The following CDH9 variants were observed in gnomAD, a reference collection of about 807,000 sequenced individuals.
CDH9 encodes the protein cadherin 9, also known as cadherin-9.
CDH9 carries 28 observed loss-of-function variants against 70.9 expected under a neutral mutation model. That is an observed-to-expected ratio of 0.40 (90% CI 0.29 to 0.54). CDH9 has a LOEUF of 0.54. CDH9 is among the 20% of genes least tolerant of loss of function. The pLI is 0.59. For missense variants in CDH9, 874 were observed against 984.4 expected, an observed-to-expected ratio of 0.89 and a Z score of 1.50; for synonymous variants, 409 against 343.1, an observed-to-expected ratio of 1.19 and a Z score of -2.12.
At chr5:26,917,039 G>A (rs183530654) in intron 2 of CDH9, among the ~76,000 whole-genome samples, 57 of 151,880 alleles carry the variant, frequency 3.8e-4, no homozygotes, top group Admixed American at 3.3e-3. Context: ...ACAACAAACA[G>A]ACCATGTAAT....
chr5:26,920,789 T>G (rs773794114), intron 2 of CDH9, among the ~76,000 whole-genome samples: 4 of 152,220 alleles, frequency 2.6e-5, no homozygotes, highest in Non-Finnish European at 5.9e-5. Context: ...CATTAATTAC[T>G]GAGCCTGGGA....
chr5:26,968,907 T>A (rs907401181), intron 2 of CDH9, among the ~76,000 whole-genome samples: 4 of 152,206 alleles, frequency 2.6e-5, no homozygotes, highest in African/African-American at 9.7e-5. Context: ...ATCTGTCCAG[T>A]TGATCCCATC....
intron 1 of CDH9, among the ~76,000 whole-genome samples, chr5:26,998,009 T>G (rs1188076439): frequency 6.6e-6 from 1 of 152,170 alleles, no homozygotes; most frequent in Non-Finnish European, 1.5e-5. Flanking sequence ...GTTAATGTTT[T>G]TAAACACTAG....
chr5:26,900,715 CT>C (rs1379412580), intron 7 of CDH9, among the ~76,000 whole-genome samples: 1 of 152,058 alleles, frequency 6.6e-6, no homozygotes, highest in Admixed American at 6.6e-5. Flanking sequence ...CAATCAATTA[CT>C]TCTAAAATGA....
chr5:27,034,411 T>C (rs1343464169), intron 1 of CDH9, among the ~76,000 whole-genome samples: 2 of 151,664 alleles, frequency 1.3e-5, no homozygotes, highest in Non-Finnish European at 2.9e-5. Flanking sequence ...AAATAGAAGA[T>C]ATACAAGAAT....
intron 3 of CDH9, among the ~76,000 whole-genome samples, chr5:26,909,206 G>T (rs958568598): frequency 6.6e-6 from 1 of 151,942 alleles, no homozygotes; most frequent in African/African-American, 2.4e-5. Flanking sequence ...GGATGGTCTC[G>T]ATCTCCTGAC....
chr5:26,916,041 G>T, intron 2 of CDH9, 117 bp from the exon 3 acceptor site: 1 of 634,868 alleles, frequency 1.6e-6, no homozygotes, highest in Non-Finnish European at 2.6e-6. Flanking sequence ...TTATCTTAAT[G>T]GTTATCTTGA....
intron 3 of CDH9, among the ~76,000 whole-genome samples, chr5:26,913,280 A>G (rs1016007426): frequency 6.6e-6 from 1 of 152,154 alleles, no homozygotes; most frequent in Admixed American, 6.6e-5. Flanking sequence ...TGCATATTGT[A>G]TATAATATAT....
At chr5:26,979,858 G>A (rs1742369613) in intron 2 of CDH9, among the ~76,000 whole-genome samples, 1 of 151,630 alleles carries the variant, frequency 6.6e-6, no homozygotes, top group Non-Finnish European at 1.5e-5. Flanking sequence ...CATTAGATAT[G>A]TACCTAATAA....
At chr5:26,916,933 A>T (rs1741159552) in intron 2 of CDH9, among the ~76,000 whole-genome samples, 1 of 151,988 alleles carries the variant, frequency 6.6e-6, no homozygotes, top group Admixed American at 6.6e-5. Context: ...TTAGGAAAAA[A>T]TAGGATTATG....
chr5:26,902,975 AT>A (rs928414294), intron 6 of CDH9: 167 of 355,826 alleles, frequency 4.7e-4, no homozygotes, highest in African/African-American at 3.1e-3. Context: ...AATATGCTTC[AT>A]TTTTTTGGTG....
intron 2 of CDH9, among the ~76,000 whole-genome samples, chr5:26,970,968 G>A (rs1742208849): frequency 6.6e-6 from 1 of 152,058 alleles, no homozygotes; most frequent in South Asian, 2.1e-4. Flanking sequence ...GATCCATAGA[G>A]GGGAAAAGAA....
chr5:26,964,014 A>T (rs934887503), intron 2 of CDH9, among the ~76,000 whole-genome samples: 1 of 152,146 alleles, frequency 6.6e-6, no homozygotes, highest in Non-Finnish European at 1.5e-5. Context: ...CCTTTTCCAT[A>T]AAATAAAAAA....
At chr5:26,937,917 T>G (rs1741588905) in intron 2 of CDH9, among the ~76,000 whole-genome samples, 1 of 152,042 alleles carries the variant, frequency 6.6e-6, no homozygotes, top group African/African-American at 2.4e-5. Context: ...CATTATCCAT[T>G]TGGGAAAACC....
rs980374134 is a variant in CDH9, at chr5:26,938,491, A to T, written c.229-22567T>A. 3.9e-5 allele frequency among the ~76,000 whole-genome samples: 6 copies of T among 152,158 alleles called. No individual in the cohort carries two copies. The East Asian group carries it at 1.2e-3, about 29-fold the overall frequency. On this transcript the variant is annotated intron_variant, in intron 2 of 11. Coordinates refer to ENST00000231021, the MANE Select transcript of CDH9 (RefSeq NM_016279.4). ...TATAATAGAAAAGCTATAGTTAAGTAAATTTTTAAAAATCGGGTGTGCAAA... is the reference window on the plus strand; with the variant it reads ...TATAATAGAAAAGCTATAGTTAAGTTAATTTTTAAAAATCGGGTGTGCAAA...
At chr5:26,890,665 C>T in intron 7 of CDH9, 101 bp from the exon 8 acceptor site, 1 of 785,594 alleles carries the variant, frequency 1.3e-6, no homozygotes, top group Non-Finnish European at 2.1e-6. Flanking sequence ...CTGACAAAGA[C>T]ATGAAATGCA....
chr5:26,902,327 C>A (rs1363908479), intron 7 of CDH9, 149 bp downstream of exon 7: 3 of 603,368 alleles, frequency 5.0e-6, no homozygotes, highest in African/African-American at 1.9e-5. Context: ...CATTGTGCAA[C>A]CATTTTTTCA....
chr5:26,999,037 G>A (rs982357256), intron 1 of CDH9, among the ~76,000 whole-genome samples: 1 of 152,054 alleles, frequency 6.6e-6, no homozygotes, highest in South Asian at 2.1e-4. Context: ...AAGAGGCCAG[G>A]AGATCGAGAC....
intron 9 of CDH9, among the ~76,000 whole-genome samples, chr5:26,887,034 A>G (rs1740577429): frequency 6.6e-6 from 1 of 152,168 alleles, no homozygotes; most frequent in Non-Finnish European, 1.5e-5. Flanking sequence ...GTTTTACTGT[A>G]TACCTTTTAT....
Sources: allele counts gnomAD v4.1 joint callset (sites outside exome capture counted in the v4.1 genomes callset), GRCh38; gene constraint gnomAD v4.1.1; transcripts MANE v1.5; gene names NCBI Gene and HGNC (gene_info 2026-07-23, HGNC 2026-07-21).